The following DNAH14 variants were observed in gnomAD, a reference collection of about 807,000 sequenced individuals.
The protein encoded by DNAH14 is dynein axonemal heavy chain 14, also known as axonemal beta dynein heavy chain 14.
In DNAH14, 478 loss-of-function variants were observed where a neutral mutation model predicts 520.9. That is an observed-to-expected ratio of 0.92 (90% CI 0.85 to 0.99). The LOEUF is 0.99. Ranked by LOEUF, DNAH14 falls within the 50% of genes least tolerant of loss-of-function variation. DNAH14 has a pLI of 0.00. For missense variants in DNAH14, 4,831 were observed against 5,234.5 expected, an observed-to-expected ratio of 0.92 and a Z score of 2.38; for synonymous variants, 1,581 against 1,757.2, an observed-to-expected ratio of 0.90 and a Z score of 2.51.
chr1:225,116,180 A>G (rs1444870320), intron 23 of DNAH14, among the ~76,000 whole-genome samples: 1 of 152,190 alleles, frequency 6.6e-6, no homozygotes, highest in Non-Finnish European at 1.5e-5. Flanking sequence ...CAGATGGGAA[A>G]GTGGTGAGAG....
chr1:225,266,770 G>A lies in DNAH14; in HGVS notation c.7539+1G>A. On this transcript the variant is annotated splice_donor_variant, in intron 49 of 85. Transcript: ENST00000682510. LOFTEE classifies it high-confidence loss of function. ...TGATACTGAAAAAAATACATGGAAG[G>A]TACAGTATATACTAAGATTTTGTTC... 1 of 1,494,828 alleles carries A rather than the reference G, an allele frequency of 6.7e-7. No homozygotes were observed. The highest frequency in any genetic ancestry group is 8.9e-7 in the Non-Finnish European group (1 of 1,126,196). 92.6% of individuals were successfully genotyped at this position (1,494,828 alleles called of 1,614,324 possible). A position where few individuals can be genotyped will look rare whatever the true frequency, so the allele number is the denominator to read the frequency against.
chr1:225,378,101 G>A (rs1201904749), intron 79 of DNAH14, among the ~76,000 whole-genome samples: 1 of 151,352 alleles, frequency 6.6e-6, no homozygotes, highest in Admixed American at 6.6e-5. Context: ...AAGGTATTAC[G>A]AGGCCCAATT....
intron 41 of DNAH14, among the ~76,000 whole-genome samples, chr1:225,211,348 T>G (rs1322223716): frequency 6.6e-6 from 1 of 151,932 alleles, no homozygotes; most frequent in Non-Finnish European, 1.5e-5. Context: ...CAAGAGAACT[T>G]CATGAAGCAT....
chr1:225,349,229 A>C (rs1170130093), intron 71 of DNAH14, among the ~76,000 whole-genome samples: 1 of 152,178 alleles, frequency 6.6e-6, no homozygotes, highest in Non-Finnish European at 1.5e-5. Context: ...AGTTGTTGTC[A>C]GTTTAAAATA....
intron 27 of DNAH14, among the ~76,000 whole-genome samples, chr1:225,128,683 A>G (rs1198957290): frequency 2.0e-5 from 3 of 152,088 alleles, no homozygotes; most frequent in East Asian, 1.9e-4. Flanking sequence ...AATAAGAGCT[A>G]TCTATGACAA....
intron 36 of DNAH14, among the ~76,000 whole-genome samples, chr1:225,182,637 G>T (rs2084175859): frequency 6.6e-6 from 1 of 152,062 alleles, no homozygotes; most frequent in African/African-American, 2.4e-5. Flanking sequence ...GCAGCACGGA[G>T]CCCAGGGAAA....
At chr1:225,280,801 T>G (rs1164946114) in intron 54 of DNAH14, among the ~76,000 whole-genome samples, 4 of 152,118 alleles carry the variant, frequency 2.6e-5, no homozygotes, top group Non-Finnish European at 2.9e-5. Context: ...AGCTGACTTC[T>G]TATCAGACAC....
intron 65 of DNAH14, among the ~76,000 whole-genome samples, chr1:225,332,931 G>C (rs2094833043): frequency 1.3e-5 from 2 of 151,870 alleles, no homozygotes; most frequent in Admixed American, 1.3e-4. Context: ...ATGAGCCCAA[G>C]AGATCAAGGC....
At chr1:225,285,750 A>T (rs755625722) in intron 54 of DNAH14, among the ~76,000 whole-genome samples, 1 of 152,006 alleles carries the variant, frequency 6.6e-6, no homozygotes, top group Admixed American at 6.6e-5. Context: ...CCAGCTACTC[A>T]GGAGGCTGAG....
At chr1:225,358,802 A>C (rs944206626) in intron 74 of DNAH14, 150 bp downstream of exon 74, 1 of 769,838 alleles carries the variant, frequency 1.3e-6, no homozygotes, top group Non-Finnish European at 2.0e-6. Flanking sequence ...GGTTCCCCCC[A>C]TGCTGTTCTC....
intron 80 of DNAH14, 71 bp from the exon 81 acceptor site, chr1:225,381,312 C>T: frequency 7.0e-7 from 1 of 1,430,558 alleles, no homozygotes; most frequent in Admixed American, 2.7e-5. Flanking sequence ...CTTTCAAAGC[C>T]TAAGTCCCTC....
At chr1:225,113,945 C>T (rs538086800) in intron 23 of DNAH14, among the ~76,000 whole-genome samples, 1 of 152,308 alleles carries the variant, frequency 6.6e-6, no homozygotes, top group East Asian at 1.9e-4. Flanking sequence ...GAATCAGAGA[C>T]CCCAAGTGCC....
chr1:224,954,482 A>G (rs760421296), intron 2 of DNAH14: 3 of 152,606 alleles, frequency 2.0e-5, no homozygotes, highest in Non-Finnish European at 4.4e-5. Context: ...TTCCAGCAGT[A>G]GACAGTTTGC....
intron 43 of DNAH14, among the ~76,000 whole-genome samples, chr1:225,245,684 C>T (rs1347057960): frequency 6.6e-6 from 1 of 152,102 alleles, no homozygotes. Flanking sequence ...TGAAGGACCT[C>T]TTCAAGGAGA....
At chr1:225,097,760 C>T (rs888721879) in intron 22 of DNAH14, among the ~76,000 whole-genome samples, 6 of 150,454 alleles carry the variant, frequency 4.0e-5, no homozygotes, top group Admixed American at 6.6e-5. Flanking sequence ...GGCGACAGAG[C>T]GAGACTCTGT....
chr1:225,325,804 AT>A, intron 64 of DNAH14, among the ~76,000 whole-genome samples: 1 of 152,104 alleles, frequency 6.6e-6, no homozygotes, highest in African/African-American at 2.4e-5. Context: ...ATTTTACTTA[AT>A]ATCTGATTTT....
chr1:225,108,384 G>A lies in DNAH14; in HGVS notation c.3867+7500G>A, dbSNP rs142980962. On this transcript the variant is annotated intron_variant, in intron 23 of 85. Transcript: ENST00000682510. ...TATTGTGGGACTTCACCTTGTGACC[G>A]TGTAAGTCAATACTCCTTAATAAAC... Among the ~76,000 whole-genome samples, 1,083 of 152,214 alleles carry A rather than the reference G, an allele frequency of 7.1e-3. 9 individuals are homozygous for A. Among genetic ancestry groups the A allele is most frequent in the African/African-American group, 0.024 (1,011 of 41,526 alleles).
At chr1:225,398,300 T>G (rs1057278665) in intron 84 of DNAH14, among the ~76,000 whole-genome samples, 2 of 152,232 alleles carry the variant, frequency 1.3e-5, no homozygotes, top group African/African-American at 4.8e-5. Context: ...AAAAAATACA[T>G]ATATTTCAGT....
intron 3 of DNAH14, among the ~76,000 whole-genome samples, chr1:224,955,827 TAAAC>T (rs2060477220): frequency 6.6e-6 from 1 of 152,108 alleles, no homozygotes; most frequent in South Asian, 2.1e-4. Flanking sequence ...TTAAACAACT[TAAAC>T]AAAACAACCC....
Sources: gnomAD v4.1 joint callset for allele counts (sites outside exome capture counted in the v4.1 genomes callset) on GRCh38, gnomAD v4.1.1 for gene constraint, MANE v1.5 for transcripts, NCBI Gene and HGNC (gene_info 2026-07-23, HGNC 2026-07-21) for gene names.